TIAM2: variants seen among roughly 807,000 people sequenced by gnomAD.
TIAM2 encodes rho guanine nucleotide exchange factor TIAM2.
In TIAM2, 80 loss-of-function variants were observed where a neutral mutation model predicts 152.9. The observed-to-expected ratio is 0.52, with a 90% CI of 0.44 to 0.63. TIAM2 has a LOEUF of 0.63. Ranked by LOEUF, TIAM2 falls within the 30% of genes least tolerant of loss-of-function variation. The pLI, the probability that TIAM2 is intolerant of heterozygous loss-of-function variation, is 0.00. For missense variants in TIAM2, 1,965 were observed against 2,120.1 expected (o/e 0.93, Z 1.44); for synonymous variants, 804 against 838.0 (o/e 0.96, Z 0.70).
intron 2 of TIAM2, among the ~76,000 whole-genome samples, chr6:155,095,348 G>A (rs1431039593): frequency 6.6e-6 from 1 of 152,156 alleles, no homozygotes. Context: ...GAGTGATTCT[G>A]GCTTCATTGT....
chr6:155,007,578 C>T (rs1031946312), intron 1 of TIAM2, among the ~76,000 whole-genome samples: 1 of 151,880 alleles, frequency 6.6e-6, no homozygotes, highest in Non-Finnish European at 1.5e-5. Flanking sequence ...ACAGTGAAAA[C>T]GATTAGGTAA....
intron 7 of TIAM2, among the ~76,000 whole-genome samples, chr6:155,151,160 C>T (rs1195793129): frequency 1.3e-5 from 2 of 152,116 alleles, no homozygotes; most frequent in Non-Finnish European, 2.9e-5. Context: ...ACTCCGGGTC[C>T]CTTTCTGAGT....
intron 1 of TIAM2, among the ~76,000 whole-genome samples, chr6:155,053,086 T>C (rs182533469): frequency 6.6e-6 from 1 of 152,244 alleles, no homozygotes; most frequent in African/African-American, 2.4e-5. Context: ...CTTTTTATGA[T>C]ATAATAGGAT....
intron 1 of TIAM2, among the ~76,000 whole-genome samples, chr6:155,045,585 G>A (rs1275896089): frequency 2.6e-5 from 4 of 152,030 alleles, no homozygotes; most frequent in Non-Finnish European, 5.9e-5. Flanking sequence ...TGGTTGGTTT[G>A]TTTTACTGAA....
At chr6:155,053,847 G>A (rs941585771) in intron 1 of TIAM2, among the ~76,000 whole-genome samples, 1 of 152,140 alleles carries the variant, frequency 6.6e-6, no homozygotes, top group Non-Finnish European at 1.5e-5. Context: ...AAATAACCTT[G>A]CCTGCTGGAG....
chr6:155,130,983 G>T (rs1003229922), intron 4 of TIAM2, among the ~76,000 whole-genome samples: 3 of 152,144 alleles, frequency 2.0e-5, no homozygotes, highest in Non-Finnish European at 4.4e-5. Context: ...TTTTGGGGAG[G>T]GGGGAAACAA....
At chr6:155,055,849 C>T (rs535273851) in intron 1 of TIAM2, among the ~76,000 whole-genome samples, 1 of 152,040 alleles carries the variant, frequency 6.6e-6, no homozygotes, top group Non-Finnish European at 1.5e-5. Flanking sequence ...TGTATCCTAG[C>T]TACTTGGGAG....
chr6:155,164,988 T>C (rs1780383922), intron 8 of TIAM2, among the ~76,000 whole-genome samples: 1 of 152,126 alleles, frequency 6.6e-6, no homozygotes, highest in Non-Finnish European at 1.5e-5. Flanking sequence ...TCGTACCCAT[T>C]TTGGTGGCTT....
At chr6:155,041,890 C>T (rs1317579944) in intron 1 of TIAM2, among the ~76,000 whole-genome samples, 2 of 152,176 alleles carry the variant, frequency 1.3e-5, no homozygotes, top group African/African-American at 4.8e-5. Context: ...CTGGCACCTA[C>T]TTGCTTTCAG....
At chr6:155,004,091 G>C (rs932733129) in intron 1 of TIAM2, among the ~76,000 whole-genome samples, 2 of 152,218 alleles carry the variant, frequency 1.3e-5, no homozygotes, top group African/African-American at 4.8e-5. Context: ...TGGCCAGGCT[G>C]TCCTGAACTC....
At chr6:155,199,726 G>A (rs1028875351) in intron 14 of TIAM2, among the ~76,000 whole-genome samples, 7 of 152,174 alleles carry the variant, frequency 4.6e-5, no homozygotes, top group Non-Finnish European at 1.5e-5. Flanking sequence ...ATTCCATTTT[G>A]GTTTTGCAGC....
At chr6:155,019,548 G>C (rs1398162830) in intron 1 of TIAM2, among the ~76,000 whole-genome samples, 1 of 152,150 alleles carries the variant, frequency 6.6e-6, no homozygotes, top group Non-Finnish European at 1.5e-5. Flanking sequence ...AGTGGGGGTG[G>C]GCTGCTTTGG....
In TIAM2 at chr6:155,130,191, T is replaced by C. The variant is rs1265794340; in HGVS notation, c.968T>C (p.Met323Thr). The change falls in exon 4 of 27, where the codon ATG becomes ACG. Residue 323 changes from methionine to threonine, a missense_variant. This residue lies in a region of TIAM2 where 1,025 missense variants were observed against 1,119.4 expected (regional missense o/e 0.92). Coordinates refer to ENST00000682666, the MANE Select transcript of TIAM2 (RefSeq NM_012454.4). ...GGTATCCGCCTTTCTGATGAATACA[T>C]GGGCACGCATGCCAGCCTGAGCAAC... Reference protein sequence around the residue: ...PSGIRLSDEYMGTHASLSNRV... With the variant: ...PSGIRLSDEYTGTHASLSNRV... The C allele has an allele frequency of 1.9e-6, 3 of 1,614,028 alleles. No individual in the cohort carries two copies. In the African/African-American group the frequency reaches 4.0e-5, roughly 22 times the overall value.
In TIAM2 at chr6:155,210,493, T is replaced by G. The variant is rs1428697489; in HGVS notation, c.3065-711T>G. ...ACCACCATGCCTGATTGTGTGTGTG[T>G]TTTTTTTTTTCAATTTCTCGTAGAG... On this transcript the variant is annotated intron_variant, in intron 14 of 26. Coordinates refer to ENST00000682666, the MANE Select transcript of TIAM2 (RefSeq NM_012454.4). 6.4e-5 allele frequency among the ~76,000 whole-genome samples: 9 copies of G among 140,042 alleles called. No individual in the cohort carries two copies. In the East Asian group the frequency reaches 1.4e-3, roughly 22 times the overall value. 91.9% of individuals were successfully genotyped at this position (140,042 alleles called of 152,430 possible). A position where few individuals can be genotyped will look rare whatever the true frequency, so the allele number is the denominator to read the frequency against.
At chr6:155,114,494 C>T (rs1778964568) in intron 2 of TIAM2, among the ~76,000 whole-genome samples, 1 of 151,944 alleles carries the variant, frequency 6.6e-6, no homozygotes, top group South Asian at 2.1e-4. Flanking sequence ...GGTGGCCATG[C>T]CCCACCCCCA....
At chr6:155,217,751 C>T (rs117154990) in intron 15 of TIAM2, among the ~76,000 whole-genome samples, 1,844 of 152,168 alleles carry the variant, frequency 0.012, 32 homozygotes, top group Non-Finnish European at 0.014. Context: ...AGATACACAG[C>T]GTGACAACTG....
chr6:155,118,404 ATTTTTCTTTTTTCTTTTTCTTTTTC>A (rs1779064171), intron 2 of TIAM2, among the ~76,000 whole-genome samples: 8 of 131,462 alleles, frequency 6.1e-5, no homozygotes, highest in East Asian at 2.2e-4. Flanking sequence ...CCTTTCCTTT[ATTTTTCTTTTTTCTTTTTCTTTTTC>A]TTTTTCTTTT....
At chr6:155,148,830 G>A (rs947149396) in intron 7 of TIAM2, among the ~76,000 whole-genome samples, 3 of 152,048 alleles carry the variant, frequency 2.0e-5, no homozygotes, top group Non-Finnish European at 2.9e-5. Context: ...TCTCTGCTGC[G>A]GTTCCATATT....
chr6:155,217,158 G>A, intron 15 of TIAM2: 1 of 1,277,416 alleles, frequency 7.8e-7, no homozygotes, highest in Non-Finnish European at 1.0e-6. Context: ...TGCTTGCACG[G>A]TTTCCTTTTC....
Sources: allele counts gnomAD v4.1 joint callset (sites outside exome capture counted in the v4.1 genomes callset), GRCh38; gene constraint gnomAD v4.1.1; regional missense constraint gnomAD v4.1.1; transcripts MANE v1.5; gene names NCBI Gene and HGNC (gene_info 2026-07-23, HGNC 2026-07-21).